The following BCAS4 variants were observed in gnomAD, a reference collection of about 807,000 sequenced individuals.
The protein encoded by BCAS4 is breast carcinoma amplified sequence 4, also known as breast carcinoma-amplified sequence 4.
In BCAS4, 9 loss-of-function variants were observed where a neutral mutation model predicts 15.7. The observed-to-expected ratio is 0.57, with a 90% CI of 0.34 to 1.00. The LOEUF is 1.00. Ranked by LOEUF, BCAS4 falls within the 50% of genes least tolerant of loss-of-function variation. BCAS4 has a pLI of 0.02. For missense variants in BCAS4, 225 were observed against 239.1 expected (o/e 0.94, Z 0.39); for synonymous variants, 101 against 99.5 (o/e 1.02, Z -0.09).
rs73280627 is a variant in BCAS4 at position 50,851,604 on chromosome 20, G to C, written c.399+9704G>C. On this transcript the variant is annotated intron_variant, in intron 4 of 4. Transcript: ENST00000371608. The surrounding 1 kb of genome is among the most constrained non-coding windows in gnomAD (Gnocchi z 4.3). ...GTGGAAGCACCCCAACTTTGCCCTG[G>C]TTGGTGGGACCCTCAACATGCCCTT... Among the ~76,000 whole-genome samples, 4,615 of 152,242 alleles carry C rather than the reference G, an allele frequency of 0.03. 226 individuals are homozygous for C. Among genetic ancestry groups the C allele is most frequent in the African/African-American group, 0.1 (4,314 of 41,512 alleles).
chr20:50,813,250 A>G (rs766233730), intron 1 of BCAS4, among the ~76,000 whole-genome samples: 9 of 152,152 alleles, frequency 5.9e-5, no homozygotes, highest in East Asian at 1.9e-4. Flanking sequence ...GAGGCTTCCA[A>G]TTCCTCCACA....
intron 4 of BCAS4, among the ~76,000 whole-genome samples, chr20:50,875,130 C>T (rs1353286588): frequency 6.6e-6 from 1 of 152,244 alleles, no homozygotes; most frequent in Non-Finnish European, 1.5e-5. Context: ...ACCCAGGCCA[C>T]GCCCCCGAGT....
At chr20:50,880,745 G>A (rs533204154), downstream of BCAS4, 9 of 152,306 alleles carry the variant, frequency 5.9e-5, no homozygotes, top group East Asian at 1.9e-4. Flanking sequence ...TGTGAACTTC[G>A]TGCTCACCAA....
chr20:50,808,032 C>T (rs544258788), intron 1 of BCAS4, among the ~76,000 whole-genome samples: 17 of 151,942 alleles, frequency 1.1e-4, no homozygotes, highest in African/African-American at 2.7e-4. Context: ...CTCAGCCTCC[C>T]GAGTAGCTGG....
At chr20:50,872,587 A>G (rs1979710135) in intron 4 of BCAS4, among the ~76,000 whole-genome samples, 1 of 152,010 alleles carries the variant, frequency 6.6e-6, no homozygotes, top group Admixed American at 6.6e-5. Flanking sequence ...GGAACAAAAA[A>G]AAAAAAAGAA....
intron 4 of BCAS4, among the ~76,000 whole-genome samples, chr20:50,846,242 G>A (rs1230506643): frequency 6.6e-6 from 1 of 152,206 alleles, no homozygotes; most frequent in African/African-American, 2.4e-5. Flanking sequence ...AACATTGTGA[G>A]GTTTTAATAA....
chr20:50,813,210 A>G (rs2123765678), intron 1 of BCAS4, among the ~76,000 whole-genome samples: 1 of 152,310 alleles, frequency 6.6e-6, no homozygotes, highest in South Asian at 2.1e-4. Flanking sequence ...GAGCAGCTGC[A>G]CAATTGTACC....
At position 50,861,205 on chromosome 20, in the gene BCAS4, C is replaced by T. The variant is rs190036408; in HGVS notation, c.400-15281C>T. On this transcript the variant is annotated intron_variant, in intron 4 of 4. Coordinates refer to ENST00000371608, the MANE Select transcript of BCAS4 (RefSeq NM_198799.4). ...TCACATGGATTAGGCGTCTCCTGTG[C>T]GGCAGATGCTGTCCTGGGCCAAGAG... 2.6e-5 allele frequency among the ~76,000 whole-genome samples: 4 copies of T among 152,262 alleles called. No homozygotes were observed. The East Asian group carries it at 7.8e-4, about 30-fold the overall frequency.
intron 1 of BCAS4, among the ~76,000 whole-genome samples, chr20:50,796,452 C>CAT (rs1245993218): frequency 0.027 from 574 of 21,134 alleles, 21 homozygotes; most frequent in Admixed American, 0.046. Context: ...TCTTTTTCTC[C>CAT]ATATATATAT....
intron 4 of BCAS4, among the ~76,000 whole-genome samples, chr20:50,856,582 CCTT>C (rs376018305): frequency 1.3e-5 from 2 of 152,364 alleles, no homozygotes; most frequent in African/African-American, 4.8e-5. Context: ...CTTCCAGCCT[CCTT>C]GTCCCTTTTG....
At chr20:50,831,234 C>T (rs1179926392) in intron 3 of BCAS4, among the ~76,000 whole-genome samples, 1 of 152,000 alleles carries the variant, frequency 6.6e-6, no homozygotes, top group Admixed American at 6.6e-5. Context: ...TTCGAAACCA[C>T]CCTGGCCAAC....
chr20:50,837,324 C>G lies in BCAS4; in HGVS notation c.265-4442C>G, dbSNP rs556171797. Among the ~76,000 whole-genome samples the G allele has an allele frequency of 2.6e-5, 4 of 152,198 alleles. 1 individual carries two copies. The highest frequency in any genetic ancestry group is 4.2e-4 in the South Asian group (2 of 4,814). On this transcript the variant is annotated intron_variant, in intron 3 of 4. Transcript: ENST00000371608. ...TTCAAATTCTCCAGGCATAGTGGCT[C>G]GGCCTGTAATCCCAGCATTTGGGAG...
At chr20:50,811,471 C>T (rs1274063854) in intron 1 of BCAS4, among the ~76,000 whole-genome samples, 1 of 152,084 alleles carries the variant, frequency 6.6e-6, no homozygotes, top group East Asian at 1.9e-4. Context: ...ATCACCGTGA[C>T]CTAATTGCAG....
chr20:50,876,439 C>T (rs1404203428), intron 4 of BCAS4, 47 bp from the exon 5 acceptor site: 1 of 1,604,660 alleles, frequency 6.2e-7, no homozygotes, highest in Non-Finnish European at 8.5e-7. Flanking sequence ...GGTCATGGAA[C>T]AAGTGGATCC....
chr20:50,834,908 C>T (rs2088388290), intron 3 of BCAS4, among the ~76,000 whole-genome samples: 1 of 152,212 alleles, frequency 6.6e-6, no homozygotes, highest in African/African-American at 2.4e-5. Context: ...GTGGTTGAGT[C>T]ATCTTTTGGT....
At chr20:50,870,438 C>T (rs578006770) in intron 4 of BCAS4, among the ~76,000 whole-genome samples, 1 of 152,338 alleles carries the variant, frequency 6.6e-6, no homozygotes, top group South Asian at 2.1e-4. Context: ...CAGCCGGGGC[C>T]TGAGGCTTCA....
In BCAS4 at chr20:50,842,301, G is replaced by A. The variant is rs769531782; in HGVS notation, c.399+401G>A. On this transcript the variant is annotated intron_variant, in intron 4 of 4. Transcript: ENST00000371608. ...GCCCAACAAGCCGGGGAAGGGGGAC[G>A]GGCGTCCCTCCTGCATATGGCTCTT... Among the ~76,000 whole-genome samples the A allele has an allele frequency of 1.2e-4, 18 of 152,316 alleles. No individual in the cohort carries two copies. The South Asian group carries it at 2.3e-3, about 19-fold the overall frequency.
chr20:50,829,785 A>G (rs1454115773), intron 2 of BCAS4, among the ~76,000 whole-genome samples: 2 of 151,868 alleles, frequency 1.3e-5, no homozygotes, highest in Non-Finnish European at 2.9e-5. Flanking sequence ...ACTAAAGGAG[A>G]TGGTGCAAGG....
chr20:50,814,376 C>T (rs1302404363), intron 1 of BCAS4, among the ~76,000 whole-genome samples: 2 of 152,240 alleles, frequency 1.3e-5, no homozygotes, highest in African/African-American at 2.4e-5. Context: ...GCCTCAACCT[C>T]CTGGGCCCAA....
Sources: allele counts gnomAD v4.1 joint callset (sites outside exome capture counted in the v4.1 genomes callset), GRCh38; gene constraint gnomAD v4.1.1; non-coding constraint Gnocchi (gnomAD v3.1); transcripts MANE v1.5; gene names NCBI Gene and HGNC (gene_info 2026-07-23, HGNC 2026-07-21).